ANK3: variants seen among roughly 807,000 people sequenced by gnomAD.
ANK3 encodes ankyrin-3.
In ANK3, 57 loss-of-function variants were observed where a neutral mutation model predicts 370.9. The ratio of observed to expected loss-of-function variants is 0.15; its 90% CI spans 0.12 to 0.19. ANK3 has a LOEUF of 0.19. ANK3 is among the 10% of genes least tolerant of loss of function. ANK3 has a pLI of 1.00. For synonymous variants in ANK3, 1,929 were observed against 1,946.3 expected (o/e 0.99, Z 0.23); for missense variants, 4,439 against 5,302.1 (o/e 0.84, Z 5.06).
intron 1 of ANK3, among the ~76,000 whole-genome samples, chr10:60,362,999 G>T (rs1406383102): frequency 7.0e-6 from 1 of 142,024 alleles, no homozygotes; most frequent in Non-Finnish European, 1.5e-5. Flanking sequence ...TTCCCAAGCC[G>T]TTTTCTTTTG....
At chr10:60,723,181 C>T (rs957384313) in intron 1 of ANK3, among the ~76,000 whole-genome samples, 1 of 152,180 alleles carries the variant, frequency 6.6e-6, no homozygotes, top group Non-Finnish European at 1.5e-5. Context: ...AATTATTATT[C>T]CCAGGCTGCA....
At chr10:60,265,237 A>G (rs2097859902) in intron 5 of ANK3, among the ~76,000 whole-genome samples, 1 of 152,184 alleles carries the variant, frequency 6.6e-6, no homozygotes, top group Admixed American at 6.5e-5. Flanking sequence ...CTCCTCATTG[A>G]CCATTACCTC....
chr10:60,550,860 C>A (rs2133232026), intron 2 of ANK3, among the ~76,000 whole-genome samples: 1 of 152,108 alleles, frequency 6.6e-6, no homozygotes, highest in East Asian at 1.9e-4. Context: ...AGATTTTATG[C>A]CTTTTTGTAA....
At chr10:60,724,958 G>T (rs988448600) in intron 1 of ANK3, among the ~76,000 whole-genome samples, 1 of 152,096 alleles carries the variant, frequency 6.6e-6, no homozygotes, top group African/African-American at 2.4e-5. Context: ...CCGGTTCATG[G>T]CACATTATCA....
intron 16 of ANK3, among the ~76,000 whole-genome samples, chr10:60,193,092 T>C (rs1284357694): frequency 2.0e-5 from 3 of 152,184 alleles, no homozygotes; most frequent in African/African-American, 7.2e-5. Context: ...TTATTGGACA[T>C]GTGCCAGAGA....
At chr10:60,148,149 T>C (rs12357972) in intron 23 of ANK3, among the ~76,000 whole-genome samples, 10,181 of 152,204 alleles carry the variant, frequency 0.067, 498 homozygotes, top group East Asian at 0.23. Flanking sequence ...AGAATCAGGT[T>C]TGAATGACAA....
chr10:60,679,684 C>G (rs1321273468), intron 1 of ANK3, among the ~76,000 whole-genome samples: 6 of 152,156 alleles, frequency 3.9e-5, no homozygotes, highest in Admixed American at 3.3e-4. Flanking sequence ...AGAAGAAATG[C>G]AAACCTCGGA....
intron 43 of ANK3, among the ~76,000 whole-genome samples, chr10:60,039,723 G>A (rs2075768530): frequency 6.6e-6 from 1 of 152,054 alleles, no homozygotes; most frequent in African/African-American, 2.4e-5. Context: ...AAAAGGGGTT[G>A]GGGGATAGTT....
In ANK3 at chr10:60,107,205, T is replaced by C. The variant is rs574886161; in HGVS notation, c.3174-1146A>G. On this transcript the variant is annotated intron_variant, in intron 27 of 43. Coordinates refer to ENST00000280772, the MANE Select transcript of ANK3 (RefSeq NM_020987.5). Reference sequence around the variant, plus strand: ...AATAATTTTTATAATGCCTTTATTCTTCAATAGGTAGAAACAAAATCAAGT... The same window carrying C: ...AATAATTTTTATAATGCCTTTATTCCTCAATAGGTAGAAACAAAATCAAGT... Among the ~76,000 whole-genome samples, 7 of 152,318 alleles carry C rather than the reference T, an allele frequency of 4.6e-5. No homozygotes were observed. The South Asian group carries it at 1.4e-3, about 32-fold the overall frequency.
intron 40 of ANK3, chr10:60,059,900 T>G (rs756851330): frequency 2.9e-5 from 47 of 1,614,058 alleles, no homozygotes; most frequent in African/African-American, 6.7e-5. Flanking sequence ...TAAGGGGAGA[T>G]TCTATGCTAG....
At chr10:60,105,081 T>C (rs2091976506) in intron 28 of ANK3, among the ~76,000 whole-genome samples, 1 of 152,222 alleles carries the variant, frequency 6.6e-6, no homozygotes, top group African/African-American at 2.4e-5. Context: ...ATATGAATTA[T>C]ATCTCGAATA....
chr10:60,219,883 T>G (rs1053477100), intron 8 of ANK3, among the ~76,000 whole-genome samples: 1 of 152,218 alleles, frequency 6.6e-6, no homozygotes, highest in Non-Finnish European at 1.5e-5. Context: ...AGTATTAATG[T>G]TATTTAAAAA....
At chr10:60,727,801 T>C (rs1305622016) in intron 1 of ANK3, among the ~76,000 whole-genome samples, 1 of 151,970 alleles carries the variant, frequency 6.6e-6, no homozygotes, top group African/African-American at 2.4e-5. Context: ...TAATCAACTA[T>C]TCTCAGTGTA....
rs192475143 is a variant in ANK3 at position 60,377,898 on chromosome 10, T to A, written c.114+11527A>T. ...AACTGTTATGTGAGACAACAATGTTTGACACCTACCAATTATTTTTATCGT... is the reference window on the plus strand; with the variant it reads ...AACTGTTATGTGAGACAACAATGTTAGACACCTACCAATTATTTTTATCGT... On this transcript the variant is annotated intron_variant, in intron 1 of 43. Coordinates refer to ENST00000280772, the MANE Select transcript of ANK3 (RefSeq NM_020987.5). Among the ~76,000 whole-genome samples the A allele has an allele frequency of 1.3e-3, 203 of 152,344 alleles. 1 individual carries two copies. The highest frequency in any genetic ancestry group is 4.7e-3 in the African/African-American group (197 of 41,590).
intron 2 of ANK3, among the ~76,000 whole-genome samples, chr10:60,408,641 C>T (rs537119333): frequency 6.6e-6 from 1 of 152,254 alleles, no homozygotes; most frequent in East Asian, 1.9e-4. Context: ...GAAAGAATAA[C>T]TCTAGAGAAA....
chr10:60,688,656 A>T (rs912316534), intron 1 of ANK3, among the ~76,000 whole-genome samples: 3 of 152,236 alleles, frequency 2.0e-5, no homozygotes, highest in Admixed American at 6.5e-5. Flanking sequence ...AGCTATTAAG[A>T]TATAAAATCA....
At chr10:60,587,433 C>G (rs576018227) in intron 2 of ANK3, among the ~76,000 whole-genome samples, 15 of 152,248 alleles carry the variant, frequency 9.9e-5, no homozygotes, top group African/African-American at 3.6e-4. Context: ...CAGGTGTGGT[C>G]TCTAAAAGCA....
At chr10:60,493,916 GC>G in intron 2 of ANK3, among the ~76,000 whole-genome samples, 1 of 152,222 alleles carries the variant, frequency 6.6e-6, no homozygotes, top group South Asian at 2.1e-4. Flanking sequence ...GTGATTGACT[GC>G]CCAACTTCCC....
At chr10:60,057,958 C>G (rs1322257707) in intron 41 of ANK3, among the ~76,000 whole-genome samples, 1 of 152,050 alleles carries the variant, frequency 6.6e-6, no homozygotes, top group African/African-American at 2.4e-5. Context: ...TTTTATTGAG[C>G]AAGAAGCTTA....
Sources: allele counts gnomAD v4.1 joint callset (sites outside exome capture counted in the v4.1 genomes callset), GRCh38; gene constraint gnomAD v4.1.1; transcripts MANE v1.5; gene names NCBI Gene and HGNC (gene_info 2026-07-23, HGNC 2026-07-21).